Variants in GPNMB observed in about 807,000 individuals in gnomAD.
GPNMB encodes the protein glycoprotein nmb, also known as transmembrane glycoprotein NMB.
GPNMB carries 71 observed loss-of-function variants against 57.3 expected under a neutral mutation model. The ratio of observed to expected loss-of-function variants is 1.24; its 90% confidence interval spans 1.02 to 1.51. The LOEUF (loss-of-function observed/expected upper bound fraction) is 1.51. Ranked by LOEUF, GPNMB falls within the 40% of genes most tolerant of loss-of-function variation. The probability of loss-of-function intolerance (pLI) is 0.00; values close to 1 mark genes in which losing one functional copy is unlikely to be tolerated. For missense variants in GPNMB, 677 were observed against 691.9 expected (o/e 0.98, Z 0.24); for synonymous variants, 253 against 263.2 (o/e 0.96, Z 0.38).
chr7:23,272,330 A>G (rs1044381963), intron 9 of GPNMB, among the ~76,000 whole-genome samples: 1 of 152,158 alleles, frequency 6.6e-6, no homozygotes, highest in African/African-American at 2.4e-5. Context: ...TCAAAAGCCA[A>G]ATAAAGAAAG....
chr7:23,256,785 A>T, intron 3 of GPNMB, 107 bp from the exon 4 acceptor site: 1 of 820,044 alleles, frequency 1.2e-6, no homozygotes, highest in Non-Finnish European at 2.0e-6. Flanking sequence ...AACTACTTTT[A>T]AACTAGTTAT....
intron 9 of GPNMB, among the ~76,000 whole-genome samples, chr7:23,272,790 TC>T (rs1431891882): frequency 2.0e-5 from 3 of 151,500 alleles, no homozygotes; most frequent in African/African-American, 7.3e-5. Context: ...GACAAAGAAG[TC>T]CCTGCTTCTG....
chr7:23,253,887 A>G (rs1475084132), intron 2 of GPNMB, among the ~76,000 whole-genome samples: 1 of 152,212 alleles, frequency 6.6e-6, no homozygotes, highest in African/African-American at 2.4e-5. Flanking sequence ...GCAGACTTCT[A>G]AAACTTGTCT....
chr7:23,259,889 C>A (rs532139), intron 4 of GPNMB, 91 bp from the exon 5 acceptor site: 1 of 1,218,140 alleles, frequency 8.2e-7, no homozygotes, highest in South Asian at 1.3e-5. Flanking sequence ...TCAGAGCAAT[C>A]TATAAATGGT....
intron 8 of GPNMB, among the ~76,000 whole-genome samples, chr7:23,268,617 G>T (rs2128484897): frequency 6.6e-6 from 1 of 152,234 alleles, no homozygotes; most frequent in Non-Finnish European, 1.5e-5. Context: ...CAAATCATTT[G>T]CATATAATAT....
At chr7:23,271,650 G>A (rs1340333376) in intron 9 of GPNMB, among the ~76,000 whole-genome samples, 2 of 151,896 alleles carry the variant, frequency 1.3e-5, no homozygotes, top group Non-Finnish European at 2.9e-5. Flanking sequence ...ACAAAAATTA[G>A]CCAGGCATGG....
intron 9 of GPNMB, among the ~76,000 whole-genome samples, chr7:23,270,931 C>A (rs156422): frequency 0.048 from 7,320 of 152,238 alleles, 260 homozygotes; most frequent in South Asian, 0.11. Flanking sequence ...TTACTTGTGG[C>A]TTAGAAGAAG....
At chr7:23,269,877 G>T in intron 8 of GPNMB, 90 bp from the exon 9 acceptor site, 1 of 809,296 alleles carries the variant, frequency 1.2e-6, no homozygotes, top group Non-Finnish European at 2.1e-6. Context: ...TCATAGAAAT[G>T]TAATGACTTT....
intron 4 of GPNMB, among the ~76,000 whole-genome samples, chr7:23,259,482 A>G (rs774240713): frequency 1.3e-5 from 2 of 152,132 alleles, no homozygotes; most frequent in Admixed American, 1.3e-4. Flanking sequence ...GCGCCCAGCC[A>G]CTTGCTGTAT....
In GPNMB at chr7:23,256,880, A is replaced by C; in HGVS notation, c.368-12A>C. On this transcript the variant is annotated splice_polypyrimidine_tract_variant and intron_variant, in intron 3 of 10. Coordinates refer to ENST00000258733, the MANE Select transcript of GPNMB (RefSeq NM_002510.3). ...TAGATAACACTCATGGCTGGTTTCT[A>C]TCTCTGTTTAGAGGCTGGTTTATCT... is the stretch of plus-strand genomic sequence containing the variant. 1.2e-6 allele frequency: 2 copies of C among 1,611,592 alleles called. No homozygotes were observed. Among genetic ancestry groups the C allele is most frequent in the Non-Finnish European group, 1.7e-6 (2 of 1,177,748 alleles).
intron 3 of GPNMB, 104 bp downstream of exon 3, chr7:23,254,416 C>A: frequency 1.1e-6 from 1 of 876,456 alleles, no homozygotes; most frequent in Non-Finnish European, 1.8e-6. Flanking sequence ...TCCCTTGCCA[C>A]TGCACTCCAT....
rs200933390 is a variant in GPNMB, at chr7:23,253,299, T to C, written c.71-8T>C. On this transcript the variant is annotated splice_polypyrimidine_tract_variant and splice_region_variant and intron_variant, in intron 1 of 10. Transcript: ENST00000258733. ...GAAGAATGGAATTTGTTTCGAATAT[T>C]GATACAGGATTTCATGATGTGCTGG... is the stretch of plus-strand genomic sequence containing the variant. The C allele has an allele frequency of 1.9e-5, 30 of 1,609,710 alleles. No homozygotes were observed. The African/African-American group carries it at 3.6e-4, about 19-fold the overall frequency.
chr7:23,269,936 T>C (rs1783157852), intron 8 of GPNMB, 31 bp from the exon 9 acceptor site: 4 of 1,516,864 alleles, frequency 2.6e-6, no homozygotes, highest in African/African-American at 2.7e-5. Context: ...CTCTGTGCCC[T>C]GTGCGCCCTC....
At chr7:23,257,163 G>GTTTA (rs766540074) in intron 4 of GPNMB, 98 bp downstream of exon 4, 31 of 1,039,016 alleles carry the variant, frequency 3.0e-5, no homozygotes, top group Non-Finnish European at 4.4e-5. Flanking sequence ...AACACAGAGA[G>GTTTA]TTAATAACAG....
rs548621946 is a variant in GPNMB at position 23,264,520 on chromosome 7, G to T, written c.1019-1997G>T. ...CCCTAGTAGCCAGCACTACAGGCAT[G>T]TGAACCACCATGCCCAGATAATTTT... On this transcript the variant is annotated intron_variant, in intron 6 of 10. Transcript: ENST00000258733. 2.0e-5 allele frequency among the ~76,000 whole-genome samples: 3 copies of T among 152,110 alleles called. No homozygotes were observed. The East Asian group carries it at 5.8e-4, about 29-fold the overall frequency.
At chr7:23,265,569 A>G (rs973274565) in intron 6 of GPNMB, among the ~76,000 whole-genome samples, 17 of 152,128 alleles carry the variant, frequency 1.1e-4, no homozygotes, top group Non-Finnish European at 4.4e-5. Flanking sequence ...TCATCACAGT[A>G]AGACTTTTAG....
At chr7:23,256,693 T>C (rs1782786183) in intron 3 of GPNMB, among the ~76,000 whole-genome samples, 199 bp from the exon 4 acceptor site, 1 of 152,244 alleles carries the variant, frequency 6.6e-6, no homozygotes, top group Non-Finnish European at 1.5e-5. Flanking sequence ...AAACCTTCAT[T>C]GAAATATAAC....
intron 9 of GPNMB, 119 bp downstream of exon 9, chr7:23,270,294 T>A (rs1368695706): frequency 4.6e-6 from 3 of 656,942 alleles, no homozygotes; most frequent in African/African-American, 3.6e-5. Flanking sequence ...ACAAAATTCA[T>A]TGAACTCTTA....
At position 23,272,692 on chromosome 7, in the gene GPNMB, A is replaced by G. The variant is rs181660327; in HGVS notation, c.1430-829A>G. The stretch of plus-strand genomic sequence containing the variant: ...AATGGATATTCATGAAGCACCTGCA[A>G]TTCTTTCAACAAATATCCCTGAGCA... On this transcript the variant is annotated intron_variant, in intron 9 of 10. Coordinates refer to ENST00000258733, the MANE Select transcript of GPNMB (RefSeq NM_002510.3). 4.3e-3 allele frequency among the ~76,000 whole-genome samples: 661 copies of G among 152,308 alleles called. 8 individuals carry two copies. The highest frequency in any genetic ancestry group is 0.01 in the Middle Eastern group (3 of 294).
Sources: allele counts gnomAD v4.1 joint callset (sites outside exome capture counted in the v4.1 genomes callset), GRCh38; gene constraint gnomAD v4.1.1; transcripts MANE v1.5; gene names NCBI Gene and HGNC (gene_info 2026-07-23, HGNC 2026-07-21).